The following ZNF804A variants were observed in gnomAD, a reference collection of about 807,000 sequenced individuals.
The protein encoded by ZNF804A is zinc finger protein 804A.
Under a neutral mutation model 16.5 loss-of-function variants are expected in ZNF804A, and 2 were observed. That is an observed-to-expected ratio of 0.12 (90% CI 0.05 to 0.38). The LOEUF (loss-of-function observed/expected upper bound fraction) is 0.38. ZNF804A is among the 10% of genes least tolerant of loss of function. The probability of loss-of-function intolerance (pLI) is 0.99; values close to 1 mark genes in which losing one functional copy is unlikely to be tolerated. For missense variants in ZNF804A, 1,473 were observed against 1,390.7 expected, an observed-to-expected ratio of 1.06 and a Z score of -0.94; for synonymous variants, 534 against 489.6, an observed-to-expected ratio of 1.09 and a Z score of -1.20.
At chr2:184,829,967 T>C (rs1361934527) in intron 1 of ZNF804A, among the ~76,000 whole-genome samples, 1 of 120,624 alleles carries the variant, frequency 8.3e-6, no homozygotes, top group African/African-American at 3.1e-5. Context: ...ATGGACTGGA[T>C]ATGGTGGCAC....
chr2:184,933,041 TA>T (rs1475920978), intron 2 of ZNF804A, among the ~76,000 whole-genome samples: 8 of 152,158 alleles, frequency 5.3e-5, no homozygotes, highest in Non-Finnish European at 1.2e-4. Flanking sequence ...TTAACATAAA[TA>T]ATGTACTCTC....
intron 1 of ZNF804A, among the ~76,000 whole-genome samples, chr2:184,739,219 T>G (rs1693677392): frequency 1.3e-5 from 2 of 152,206 alleles, no homozygotes; most frequent in Admixed American, 1.3e-4. Context: ...TGTACATGCT[T>G]AATTATAAAC....
chr2:184,823,824 T>C (rs774956857), intron 1 of ZNF804A, among the ~76,000 whole-genome samples: 3 of 152,150 alleles, frequency 2.0e-5, no homozygotes, highest in Admixed American at 1.3e-4. Context: ...TATTAGTTTG[T>C]TGGGAAATTA....
chr2:184,892,067 A>G (rs1350577069), intron 2 of ZNF804A, among the ~76,000 whole-genome samples: 1 of 152,206 alleles, frequency 6.6e-6, no homozygotes, highest in Admixed American at 6.5e-5. Context: ...CGTGGGTAAC[A>G]TAGGTTTTCT....
At chr2:184,771,255 G>T (rs1183684867) in intron 1 of ZNF804A, among the ~76,000 whole-genome samples, 2 of 152,036 alleles carry the variant, frequency 1.3e-5, no homozygotes, top group East Asian at 3.9e-4. Flanking sequence ...TGACAATAAG[G>T]TTGTAGTGCT....
chr2:184,643,324 T>G (rs978273630), intron 1 of ZNF804A, among the ~76,000 whole-genome samples: 4 of 152,072 alleles, frequency 2.6e-5, no homozygotes, highest in African/African-American at 7.2e-5. Context: ...CGTAAACATT[T>G]TTGAACCTTG....
intron 2 of ZNF804A, among the ~76,000 whole-genome samples, chr2:184,875,134 A>G (rs1039921362): frequency 5.3e-5 from 8 of 152,248 alleles, no homozygotes; most frequent in African/African-American, 1.9e-4. Flanking sequence ...ACTTTTTAAA[A>G]AGATGGAAGT....
chr2:184,682,093 G>A (rs574108324), intron 1 of ZNF804A, among the ~76,000 whole-genome samples: 24 of 152,338 alleles, frequency 1.6e-4, no homozygotes, highest in African/African-American at 5.5e-4. Flanking sequence ...TGAGGGCTGA[G>A]TCTTCGCATG....
At chr2:184,741,275 T>C (rs1381716692) in intron 1 of ZNF804A, among the ~76,000 whole-genome samples, 1 of 152,150 alleles carries the variant, frequency 6.6e-6, no homozygotes, top group Non-Finnish European at 1.5e-5. Flanking sequence ...TTTAAGAAAG[T>C]AATAAACACT....
At chr2:184,844,294 T>C (rs1240069964) in intron 1 of ZNF804A, among the ~76,000 whole-genome samples, 1 of 152,026 alleles carries the variant, frequency 6.6e-6, no homozygotes, top group South Asian at 2.1e-4. Context: ...TCAATTAAGA[T>C]TCTGAAAAAA....
chr2:184,767,600 G>C (rs1039270440), intron 1 of ZNF804A, among the ~76,000 whole-genome samples: 5 of 152,024 alleles, frequency 3.3e-5, no homozygotes, highest in African/African-American at 4.8e-5. Flanking sequence ...ACATATATTT[G>C]CCACAAAGTG....
At chr2:184,787,431 TA>T (rs1384150389) in intron 1 of ZNF804A, among the ~76,000 whole-genome samples, 2 of 151,870 alleles carry the variant, frequency 1.3e-5, no homozygotes, top group Non-Finnish European at 2.9e-5. Flanking sequence ...GATACCTCCA[TA>T]TTGTTTTCCA....
chr2:184,894,315 C>A (rs1021516566), intron 2 of ZNF804A, among the ~76,000 whole-genome samples: 2 of 152,084 alleles, frequency 1.3e-5, no homozygotes, highest in Admixed American at 1.3e-4. Context: ...ACTACATATA[C>A]ACCAATTTAT....
chr2:184,671,707 T>C (rs1692341142), intron 1 of ZNF804A, among the ~76,000 whole-genome samples: 1 of 152,212 alleles, frequency 6.6e-6, no homozygotes, highest in African/African-American at 2.4e-5. Context: ...CACTGTTTTG[T>C]CAATTGATTG....
At chr2:184,739,228 A>G (rs1693677481) in intron 1 of ZNF804A, among the ~76,000 whole-genome samples, 1 of 152,196 alleles carries the variant, frequency 6.6e-6, no homozygotes, top group Admixed American at 6.5e-5. Context: ...TTAATTATAA[A>G]CTCAAGGAAT....
chr2:184,699,424 A>T (rs1692884778), intron 1 of ZNF804A, among the ~76,000 whole-genome samples: 1 of 152,126 alleles, frequency 6.6e-6, no homozygotes, highest in African/African-American at 2.4e-5. Context: ...TTAAATGGTG[A>T]ATCCAGATAA....
intron 1 of ZNF804A, among the ~76,000 whole-genome samples, chr2:184,706,513 G>A (rs1693033315): frequency 1.3e-5 from 2 of 152,176 alleles, no homozygotes; most frequent in Non-Finnish European, 2.9e-5. Flanking sequence ...TTTGTTGATA[G>A]AGAGCTGCTG....
At chr2:184,619,028 C>T (rs544759521) in intron 1 of ZNF804A, among the ~76,000 whole-genome samples, 19 of 152,112 alleles carry the variant, frequency 1.2e-4, no homozygotes, top group African/African-American at 4.6e-4. Context: ...TTATTTTCTA[C>T]TAATTGCTGG....
chr2:184,850,272 C>T (rs551269823), intron 1 of ZNF804A, among the ~76,000 whole-genome samples: 2 of 151,922 alleles, frequency 1.3e-5, no homozygotes, highest in Admixed American at 1.3e-4. Flanking sequence ...GTGATGGATA[C>T]TCCAATGACC....
Sources: allele counts gnomAD v4.1 joint callset (sites outside exome capture counted in the v4.1 genomes callset), GRCh38; gene constraint gnomAD v4.1.1; transcripts MANE v1.5; gene names NCBI Gene and HGNC (gene_info 2026-07-23, HGNC 2026-07-21).